Variants in JADE3 observed in about 807,000 individuals in gnomAD.
JADE3 encodes protein Jade-3.
JADE3 carries 2 observed loss-of-function variants against 50.1 expected under a neutral mutation model. The ratio of observed to expected loss-of-function variants is 0.04; its 90% CI spans 0.02 to 0.13. The LOEUF is 0.13. Among genes scored for constraint, JADE3 ranks in the 10% least tolerant of loss-of-function variants. The pLI is 1.00. For synonymous variants in JADE3, 218 were observed against 232.9 expected (o/e 0.94, Z 0.58); for missense variants, 475 against 634.4 (o/e 0.75, Z 2.70).
chrX:46,958,751 CT>C (rs1556347046), intron 1 of JADE3, among the ~76,000 whole-genome samples: 3 of 111,850 alleles, frequency 2.7e-5, no homozygotes, highest in African/African-American at 9.8e-5. Context: ...GATATTCAAG[CT>C]TTTTATTTGC....
rs1209279460 is a variant in JADE3 at position 47,060,455 on chromosome X, C to T, written c.*1378C>T. The T allele has an allele frequency of 1.8e-5, 2 of 111,641 alleles. No homozygotes were observed. The highest frequency in any genetic ancestry group is 3.8e-5 in the Non-Finnish European group (2 of 53,092). 9.2% of individuals were successfully genotyped at this position (111,641 alleles called of 1,213,427 possible). On this transcript the variant is annotated 3_prime_UTR_variant, in exon 11 of 11. Coordinates refer to ENST00000614628, the MANE Select transcript of JADE3 (RefSeq NM_014735.5). ...AAAGCTTCTTACTGGTGAAACAGCC[C>T]AGTTGTAGTAGGTGCCAGTCAGTCA...
At chrX:46,919,726 C>T (rs1016289448) in intron 1 of JADE3, among the ~76,000 whole-genome samples, 2 of 111,384 alleles carry the variant, frequency 1.8e-5, no homozygotes, top group Non-Finnish European at 3.8e-5. Context: ...CTATACAAGG[C>T]TCATTTTGTA....
intron 1 of JADE3, among the ~76,000 whole-genome samples, chrX:46,950,966 T>C (rs972370324): frequency 1.8e-4 from 20 of 111,791 alleles, no homozygotes; most frequent in Middle Eastern, 9.2e-3. Context: ...TCTTTGTCTT[T>C]AGTTTTCAGC....
chrX:46,982,484 C>G (rs1927777387), intron 1 of JADE3, among the ~76,000 whole-genome samples: 1 of 111,394 alleles, frequency 9.0e-6, no homozygotes, highest in East Asian at 2.8e-4. Flanking sequence ...GTCATACTTT[C>G]CTGTTTCTTT....
At chrX:46,999,487 A>ACATATATATACAT (rs1556358444) in intron 4 of JADE3, among the ~76,000 whole-genome samples, 10 of 103,179 alleles carry the variant, frequency 9.7e-5, no homozygotes, top group Admixed American at 2.2e-4. Flanking sequence ...ATATATATAA[A>ACATATATATACAT]ATAGGGTCTT....
intron 3 of JADE3, among the ~76,000 whole-genome samples, chrX:46,988,449 T>C (rs187298243): frequency 9.0e-6 from 1 of 111,666 alleles, no homozygotes. Context: ...TTAACCAGTA[T>C]GCATTGGACA....
At chrX:46,917,855 C>CT (rs1569533772) in intron 1 of JADE3, among the ~76,000 whole-genome samples, 12 of 25,710 alleles carry the variant, frequency 4.7e-4, no homozygotes, top group Non-Finnish European at 8.1e-4. Context: ...CTCTCTCTCT[C>CT]ATCCTCTCTC....
chrX:46,997,105 T>C lies in JADE3; in HGVS notation c.127-1015T>C, dbSNP rs187741945. On this transcript the variant is annotated intron_variant, in intron 3 of 10. Coordinates refer to ENST00000614628, the MANE Select transcript of JADE3 (RefSeq NM_014735.5). ...TGAAATATTTTAGGATGTTGACACA[T>C]ACTTTCCAGAACTAAGGAAGGATTT... 5.3e-3 allele frequency among the ~76,000 whole-genome samples: 598 copies of C among 112,087 alleles called. 2 individuals carry two copies. The highest frequency in any genetic ancestry group is 0.026 in the South Asian group (71 of 2,692).
chrX:46,997,111 C>G (rs1293944531), intron 3 of JADE3, among the ~76,000 whole-genome samples: 4 of 111,724 alleles, frequency 3.6e-5, no homozygotes, highest in Non-Finnish European at 7.5e-5. Context: ...CACATACTTT[C>G]CAGAACTAAG....
At chrX:46,951,648 A>G (rs990196185) in intron 1 of JADE3, among the ~76,000 whole-genome samples, 12 of 108,141 alleles carry the variant, frequency 1.1e-4, no homozygotes, top group Non-Finnish European at 2.1e-4. Context: ...TAGTTATACA[A>G]ATGTTAGATG....
At chrX:46,974,540 C>T (rs1182879285) in intron 1 of JADE3, among the ~76,000 whole-genome samples, 11 of 112,048 alleles carry the variant, frequency 9.8e-5, no homozygotes, top group African/African-American at 3.2e-4. Context: ...TGAATATTTT[C>T]CTGAAAGCCT....
chrX:46,987,318 A>G (rs559911151), intron 3 of JADE3, among the ~76,000 whole-genome samples: 7 of 112,367 alleles, frequency 6.2e-5, no homozygotes, highest in African/African-American at 1.9e-4. Flanking sequence ...GTCAGCTAAG[A>G]TGTAGTGTTA....
intron 1 of JADE3, among the ~76,000 whole-genome samples, chrX:46,961,065 C>T (rs1325831075): frequency 8.9e-6 from 1 of 111,927 alleles, no homozygotes; most frequent in African/African-American, 3.2e-5. Context: ...GCCCCAGAAG[C>T]AGGAAAATTT....
At chrX:46,930,065 T>G (rs1256819536) in intron 1 of JADE3, among the ~76,000 whole-genome samples, 1 of 111,938 alleles carries the variant, frequency 8.9e-6, no homozygotes, top group Admixed American at 9.5e-5. Context: ...AGAGGTGGAG[T>G]CTGTTTCTCT....
intron 1 of JADE3, among the ~76,000 whole-genome samples, chrX:46,926,789 C>T (rs1431504947): frequency 8.9e-6 from 1 of 112,365 alleles, no homozygotes; most frequent in Admixed American, 9.4e-5. Flanking sequence ...ATTTTCCTCT[C>T]TCAGGGTAAT....
chrX:46,914,451 A>G, intron 1 of JADE3, among the ~76,000 whole-genome samples: 1 of 111,392 alleles, frequency 9.0e-6, no homozygotes, highest in East Asian at 2.8e-4. Flanking sequence ...CCTCCATAAC[A>G]TATCATTTTC....
intron 6 of JADE3, among the ~76,000 whole-genome samples, chrX:47,032,892 G>T (rs1329563848): frequency 9.0e-6 from 1 of 111,526 alleles, no homozygotes; most frequent in Non-Finnish European, 1.9e-5. Context: ...ATAGAGTAGA[G>T]CAGTAAGGAG....
In JADE3 at chrX:47,059,968, AT is replaced by A. The variant is rs1157805417; in HGVS notation, c.*896del. On this transcript the variant is annotated 3_prime_UTR_variant, in exon 11 of 11. Coordinates refer to ENST00000614628, the MANE Select transcript of JADE3 (RefSeq NM_014735.5). The stretch of plus-strand genomic sequence containing the variant: ...GTATACCTGCTTTAATGTTTATAAA[AT>A]TTTTATTGAGGTATAATTAAAATAT... 1 of 112,436 alleles carries A rather than the reference AT, an allele frequency of 8.9e-6. No homozygotes were observed. The highest frequency in any genetic ancestry group is 3.2e-5 in the African/African-American group (1 of 30,880). 9.3% of individuals were successfully genotyped at this position (112,436 alleles called of 1,213,427 possible).
At chrX:47,022,966 A>T (rs1296080473) in intron 4 of JADE3, among the ~76,000 whole-genome samples, 1 of 111,200 alleles carries the variant, frequency 9.0e-6, no homozygotes, top group Non-Finnish European at 1.9e-5. Context: ...CTTGGCTTTA[A>T]CTCATTTGCA....
Sources: allele counts gnomAD v4.1 joint callset (sites outside exome capture counted in the v4.1 genomes callset), GRCh38; gene constraint gnomAD v4.1.1; transcripts MANE v1.5; gene names NCBI Gene and HGNC (gene_info 2026-07-23, HGNC 2026-07-21).